CDK12: variants seen among roughly 807,000 people sequenced by gnomAD.
CDK12 encodes cyclin dependent kinase 12.
A neutral mutation model predicts 133.8 loss-of-function variants in CDK12; 17 were observed. That is an observed-to-expected ratio of 0.13 (90% CI 0.09 to 0.19). CDK12 has a LOEUF of 0.19. CDK12 is among the 10% of genes least tolerant of loss of function. The pLI is 1.00. For synonymous variants in CDK12, 694 were observed against 683.6 expected (o/e 1.02, Z -0.24); for missense variants, 1,508 against 1,818.7 (o/e 0.83, Z 3.11).
chr17:39,564,549 C>T (rs187051577), intron 3 of CDK12, among the ~76,000 whole-genome samples: 443 of 152,316 alleles, frequency 2.9e-3, no homozygotes, highest in Non-Finnish European at 4.5e-3. Context: ...TGACCCCCAC[C>T]TTTCCTACCC....
intron 11 of CDK12, among the ~76,000 whole-genome samples, chr17:39,520,902 C>T (rs1432606533): frequency 3.3e-5 from 5 of 152,002 alleles, no homozygotes; most frequent in Admixed American, 3.3e-4. Flanking sequence ...GGCTGGAGTA[C>T]AATGGCGCAA....
intron 13 of CDK12, among the ~76,000 whole-genome samples, chr17:39,528,316 G>T (rs908071562): frequency 3.3e-5 from 5 of 151,688 alleles, no homozygotes; most frequent in African/African-American, 1.2e-4. Context: ...GAAGTATTAG[G>T]CTTACTTTAA....
chr17:39,506,212 A>ATTTTTTTTTTTTTT (rs1177367409), intron 6 of CDK12, among the ~76,000 whole-genome samples: 1 of 119,776 alleles, frequency 8.3e-6, no homozygotes, highest in African/African-American at 3.6e-5. Context: ...TGATTATATG[A>ATTTTTTTTTTTTTT]TTTTTTTTTT....
chr17:39,473,930 G>T (rs892780984), intron 2 of CDK12, among the ~76,000 whole-genome samples: 8 of 151,874 alleles, frequency 5.3e-5, no homozygotes, highest in African/African-American at 1.9e-4. Context: ...GGTGGCAGGC[G>T]CCTGTAATCC....
rs748867645 is a variant in CDK12 at position 39,462,359 on chromosome 17, C to T, written c.288C>T (p.Asn96=). Residue 96 remains asparagine, a synonymous_variant, in exon 1 of 14, where the codon AAC becomes AAT. Transcript: ENST00000447079. ...DMAFKLDRRE[N]DERRGSDRSD... is the part of the protein sequence containing the mutation. ...CCTTCAAACTAGACCGAAGGGAGAA[C>T]GACGAACGTCGTGGATCAGATCGGA... The T allele has an allele frequency of 6.2e-7, 1 of 1,614,172 alleles. No homozygotes were observed. The highest frequency in any genetic ancestry group is 1.1e-5 in the South Asian group (1 of 91,082).
At chr17:39,463,358 A>G (rs2049081437) in intron 1 of CDK12, among the ~76,000 whole-genome samples, 1 of 152,188 alleles carries the variant, frequency 6.6e-6, no homozygotes, top group Non-Finnish European at 1.5e-5. Flanking sequence ...TTCAGTTGTA[A>G]GCTTCTGAGT....
At chr17:39,524,468 C>T (rs568886245) in intron 11 of CDK12, among the ~76,000 whole-genome samples, 1 of 152,160 alleles carries the variant, frequency 6.6e-6, no homozygotes, top group Non-Finnish European at 1.5e-5. Context: ...ATGTAACTTT[C>T]GTACTTTTAT....
At chr17:39,487,765 C>T (rs187922628) in intron 2 of CDK12, among the ~76,000 whole-genome samples, 41 of 152,130 alleles carry the variant, frequency 2.7e-4, no homozygotes, top group African/African-American at 9.9e-4. Context: ...CACATGCCAC[C>T]ATGCCCAGCT....
rs1361770720 is a variant in CDK12 at position 39,462,548 on chromosome 17, T to C, written c.477T>C (p.Asp159=). ...CAAAGCGTTCGAATGAGGAGACTGA[T>C]GACTATGGGAAGGCGCAGGTAGCCA... is the stretch of plus-strand genomic sequence containing the variant. The part of the protein sequence containing the change: ...GSSKRSNEET[D]DYGKAQVAKS... The change falls in exon 1 of 14, where the codon GAT becomes GAC. Residue 159 remains aspartate, a synonymous_variant. Coordinates refer to ENST00000447079, the MANE Select transcript of CDK12 (RefSeq NM_016507.4). The C allele has an allele frequency of 9.9e-6, 16 of 1,613,914 alleles. No homozygotes were observed. Among genetic ancestry groups the C allele is most frequent in the Middle Eastern group, 3.3e-4 (2 of 6,084 alleles).
chr17:39,499,667 G>A (rs935269221), intron 5 of CDK12, among the ~76,000 whole-genome samples: 5 of 151,286 alleles, frequency 3.3e-5, no homozygotes, highest in African/African-American at 1.2e-4. Context: ...CTGCTATCAT[G>A]CCTGGCTAAT....
intron 2 of CDK12, among the ~76,000 whole-genome samples, chr17:39,486,691 A>T (rs959240524): frequency 1.1e-4 from 16 of 152,190 alleles, no homozygotes; most frequent in Middle Eastern, 3.4e-3. Flanking sequence ...TTCGCTGAAC[A>T]TCTTAAAAAT....
At position 39,497,076 on chromosome 17, in the gene CDK12, G is replaced by A. The variant is rs374139240; in HGVS notation, c.2419+2382G>A. 8.0e-4 allele frequency among the ~76,000 whole-genome samples: 122 copies of A among 151,992 alleles called. 1 individual carries two copies. Among genetic ancestry groups the A allele is most frequent in the African/African-American group, 2.9e-3 (119 of 41,454 alleles). ...CTTTGGAGTAGCTGGGCTTAAACAG[G>A]CGCACGCCACCACGGCCGGCTAATT... On this transcript the variant is annotated intron_variant, in intron 5 of 13. Transcript: ENST00000447079.
chr17:39,530,332 A>C (rs984077556), intron 13 of CDK12: 1 of 367,094 alleles, frequency 2.7e-6, no homozygotes, highest in Admixed American at 4.5e-5. Flanking sequence ...AGTTCTTTAA[A>C]GGAAGGAAAT....
chr17:39,481,659 TC>T (rs1567706293), intron 2 of CDK12, among the ~76,000 whole-genome samples: 7 of 16,752 alleles, frequency 4.2e-4, no homozygotes, highest in Admixed American at 5.6e-4. Context: ...TCTCTCTCTC[TC>T]TCTCTCTCTC....
intron 7 of CDK12, 126 bp from the exon 8 acceptor site, chr17:39,511,403 T>A (rs1217216520): frequency 1.6e-6 from 1 of 607,798 alleles, no homozygotes; most frequent in African/African-American, 1.8e-5. Context: ...GAGTGTTAGG[T>A]TGCTCTGGAT....
intron 6 of CDK12, among the ~76,000 whole-genome samples, 153 bp downstream of exon 6, chr17:39,501,592 A>T (rs182214903): frequency 6.6e-6 from 1 of 152,184 alleles, no homozygotes; most frequent in Non-Finnish European, 1.5e-5. Flanking sequence ...GGAGAAACAT[A>T]CCTGCTCCTT....
chr17:39,535,621 A>C (rs1040086418), downstream of CDK12, among the ~76,000 whole-genome samples: 3 of 152,206 alleles, frequency 2.0e-5, no homozygotes, highest in African/African-American at 7.2e-5. Flanking sequence ...TGAGGACCTT[A>C]CTAACCTAGA....
downstream of CDK12, among the ~76,000 whole-genome samples, chr17:39,538,072 C>T (rs1179162724): frequency 6.6e-6 from 1 of 152,066 alleles, no homozygotes; most frequent in African/African-American, 2.4e-5. Context: ...CCCTAGGATA[C>T]TATGAAGACA....
chr17:39,519,510 G>A (rs2054034013), intron 10 of CDK12, among the ~76,000 whole-genome samples: 1 of 151,244 alleles, frequency 6.6e-6, no homozygotes, highest in Non-Finnish European at 1.5e-5. Flanking sequence ...TGAACTCCTG[G>A]CCTCAAACGA....
Sources: allele counts gnomAD v4.1 joint callset (sites outside exome capture counted in the v4.1 genomes callset), GRCh38; gene constraint gnomAD v4.1.1; transcripts MANE v1.5; gene names NCBI Gene and HGNC (gene_info 2026-07-23, HGNC 2026-07-21).